Variants in ROCK2 observed in about 807,000 individuals in gnomAD.
ROCK2 encodes the protein Rho associated coiled-coil containing protein kinase 2.
A neutral mutation model predicts 195.1 loss-of-function variants in ROCK2; 61 were observed. The observed-to-expected ratio is 0.31, with a 90% CI of 0.25 to 0.39. ROCK2 has a LOEUF of 0.39. ROCK2 is among the 10% of genes least tolerant of loss of function. The pLI, the probability that ROCK2 is intolerant of heterozygous loss-of-function variation, is 1.00. For missense variants in ROCK2, 1,109 were observed against 1,637.4 expected (o/e 0.68, Z 5.57); for synonymous variants, 504 against 545.5 (o/e 0.92, Z 1.06).
chr2:11,185,716 T>TA (rs1663170316), intron 32 of ROCK2, among the ~76,000 whole-genome samples: 1 of 151,908 alleles, frequency 6.6e-6, no homozygotes, highest in Non-Finnish European at 1.5e-5. Flanking sequence ...GGAACAAGAG[T>TA]GAGACTTCGT....
rs1193041304 is a variant in ROCK2 at position 11,192,936 on chromosome 2, T to A, written c.3688-224A>T. ...TTGGTTTGCATTTCAAAAGAACTGA[T>A]CCTGTTCAAATGCTGCCTCCTTATT... On this transcript the variant is annotated intron_variant, in intron 30 of 32. Coordinates refer to ENST00000315872, the MANE Select transcript of ROCK2 (RefSeq NM_004850.5). This position sits in a 1 kb window ranked among gnomAD's most constrained non-coding sequence, Gnocchi z 5.0. 6.6e-6 allele frequency among the ~76,000 whole-genome samples: 1 copy of A among 152,212 alleles called. No individual in the cohort carries two copies. The highest frequency in any genetic ancestry group is 2.4e-5 in the African/African-American group (1 of 41,462).
At chr2:11,279,758 C>T (rs1666938651) in intron 3 of ROCK2, among the ~76,000 whole-genome samples, 1 of 152,176 alleles carries the variant, frequency 6.6e-6, no homozygotes, top group African/African-American at 2.4e-5. Context: ...ATGGAACGTT[C>T]ACCAAGATAA....
chr2:11,206,846 G>C (rs924289107), intron 20 of ROCK2, among the ~76,000 whole-genome samples: 1 of 152,192 alleles, frequency 6.6e-6, no homozygotes, highest in Non-Finnish European at 1.5e-5. Flanking sequence ...CCTTTCACAA[G>C]TGTGATAAAA....
chr2:11,215,980 A>T (rs1049227027), intron 13 of ROCK2, among the ~76,000 whole-genome samples, 178 bp downstream of exon 13: 1 of 152,202 alleles, frequency 6.6e-6, no homozygotes, highest in African/African-American at 2.4e-5. Flanking sequence ...TTGCAAAAAC[A>T]TAACAGAATG....
At chr2:11,239,917 C>T (rs1480112760) in intron 4 of ROCK2, among the ~76,000 whole-genome samples, 1 of 152,200 alleles carries the variant, frequency 6.6e-6, no homozygotes, top group Non-Finnish European at 1.5e-5. Flanking sequence ...GAACTCAGCA[C>T]AGTGCTATAT....
chr2:11,321,214 C>T (rs1261190796), intron 1 of ROCK2, among the ~76,000 whole-genome samples: 1 of 152,112 alleles, frequency 6.6e-6, no homozygotes, highest in East Asian at 1.9e-4. Context: ...CTCACTCTGT[C>T]ATCCAGGCTG....
Position 11,344,102 on chromosome 2 carries a change from C to G in ROCK2, c.35G>C (p.Gly12Ala). 1 of 1,516,136 alleles carries G rather than the reference C, an allele frequency of 6.6e-7. No individual in the cohort carries two copies. Among genetic ancestry groups the G allele is most frequent in the Non-Finnish European group, 8.8e-7 (1 of 1,139,740 alleles). 93.9% of individuals were successfully genotyped at this position (1,516,136 alleles called of 1,614,324 possible). The change falls in exon 1 of 33, where the codon GGC becomes GCC. Residue 12 changes from glycine to alanine, a missense_variant. By Grantham distance (60) the Gly-to-Ala change is moderately conservative. Coordinates refer to ENST00000315872, the MANE Select transcript of ROCK2 (RefSeq NM_004850.5). The surrounding 1 kb of genome is among the most constrained non-coding windows in gnomAD (Gnocchi z 5.4). ...SRPPPTGKMP[G>A]APETAPGDGA... ...GTCCCCCGGCGCGGTCTCGGGGGCG[C>G]CGGGCATTTTCCCCGTCGGCGGGGG...
At chr2:11,217,319 T>C in intron 11 of ROCK2, 150 bp from the exon 12 acceptor site, 2 of 726,570 alleles carry the variant, frequency 2.8e-6, no homozygotes, top group Non-Finnish European at 2.6e-6. Flanking sequence ...TAATGTGACT[T>C]ATATTGATAA....
At chr2:11,276,115 A>G (rs945926669) in intron 3 of ROCK2, among the ~76,000 whole-genome samples, 2 of 152,266 alleles carry the variant, frequency 1.3e-5, no homozygotes, top group Admixed American at 1.3e-4. Context: ...ATCATACTCA[A>G]TAGTGAAAGT....
chr2:11,214,802 C>A (rs760780095), intron 16 of ROCK2, 38 bp downstream of exon 16: 3 of 1,551,348 alleles, frequency 1.9e-6, no homozygotes, highest in Non-Finnish European at 2.6e-6. Flanking sequence ...AAATAAGAAT[C>A]ATCAAAATTA....
chr2:11,239,630 G>A (rs1390569412), intron 4 of ROCK2, among the ~76,000 whole-genome samples: 1 of 152,150 alleles, frequency 6.6e-6, no homozygotes. Context: ...CAATTCAAAT[G>A]TCCATTAACC....
chr2:11,293,297 G>A (rs1667417264), intron 1 of ROCK2, among the ~76,000 whole-genome samples: 1 of 152,154 alleles, frequency 6.6e-6, no homozygotes, highest in South Asian at 2.1e-4. Flanking sequence ...ACTTTGAGGA[G>A]AAAAACTTAA....
rs1664255311 is a variant in ROCK2 at position 11,211,747 on chromosome 2, C to A, written c.2137G>T (p.Ala713Ser). The A allele has an allele frequency of 2.5e-6, 4 of 1,613,538 alleles. No homozygotes were observed. In the East Asian group the frequency reaches 6.7e-5, roughly 27 times the overall value. ...QEEAEHKATK[A>S]RLADKNKIYE... is the part of the protein sequence containing the mutation. ...ATCTTATTTTTATCTGCTAGTCGTG[C>A]CTTTGTGGCCTTATGTTCAGCTTCT... is the stretch of plus-strand genomic sequence containing the variant. The change falls in exon 18 of 33, where the codon GCA becomes TCA. Residue 713 changes from alanine to serine, a missense_variant. Physicochemically the swap from Ala to Ser is moderately conservative, Grantham distance 99. Coordinates refer to ENST00000315872, the MANE Select transcript of ROCK2 (RefSeq NM_004850.5).
At chr2:11,225,893 A>T (rs1216767427) in intron 6 of ROCK2, among the ~76,000 whole-genome samples, 3 of 152,196 alleles carry the variant, frequency 2.0e-5, no homozygotes, top group Non-Finnish European at 4.4e-5. Context: ...GCATAACAAG[A>T]TCAATGCTAC....
rs757357913 is a variant in ROCK2 at position 11,208,302 on chromosome 2, A to T, written c.2349T>A (p.Asp783Glu). The T allele has an allele frequency of 1.0e-5, 15 of 1,444,630 alleles. No individual in the cohort carries two copies. In the African/African-American group the frequency reaches 2.0e-4, roughly 19 times the overall value. The allele number at this position is 1,444,630 out of a possible 1,614,324, so 89.5% of individuals were successfully genotyped here. ...TAATACTTACATCCTCATTTAGCAC[A>T]TCTTTCTGTTTAAGGAGCTCATTTA... ...QKINELLKQK[D>E]VLNEDVRNLT... The change falls in exon 19 of 33, where the codon GAT (aspartate) becomes GAA (glutamate). Residue 783 changes from aspartate (D) to glutamate (E), a missense_variant. Around this residue, in one of 6 missense-constraint regions of ROCK2, gnomAD observed 542 missense variants for 672.0 expected, o/e 0.81. Coordinates refer to ENST00000315872, the MANE Select transcript of ROCK2 (RefSeq NM_004850.5).
intron 20 of ROCK2, among the ~76,000 whole-genome samples, chr2:11,204,250 A>T (rs1157230735): frequency 3.3e-5 from 5 of 151,954 alleles, no homozygotes. Flanking sequence ...TGCCTTCCCC[A>T]ACCTCTCCCC....
intron 3 of ROCK2, among the ~76,000 whole-genome samples, chr2:11,277,612 C>T (rs181280811): frequency 1.1e-4 from 17 of 152,272 alleles, no homozygotes; most frequent in Non-Finnish European, 1.5e-4. Flanking sequence ...TACTTCACTT[C>T]GAGTAATAGT....
chr2:11,336,621 A>C lies in ROCK2; in HGVS notation c.141+7375T>G, dbSNP rs1395571247. Among the ~76,000 whole-genome samples the C allele has an allele frequency of 2.0e-5, 3 of 152,300 alleles. No individual in the cohort carries two copies. The East Asian group carries it at 5.8e-4, about 29-fold the overall frequency. ...GACTGATGATCCGGTGTAGCTACTA[A>C]GGTGGTAGAAAAGCAAATTTAAAAG... On this transcript the variant is annotated intron_variant, in intron 1 of 32. Coordinates refer to ENST00000315872, the MANE Select transcript of ROCK2 (RefSeq NM_004850.5).
intron 3 of ROCK2, among the ~76,000 whole-genome samples, chr2:11,270,395 G>C (rs900046027): frequency 1.3e-5 from 2 of 152,080 alleles, no homozygotes; most frequent in Non-Finnish European, 2.9e-5. Flanking sequence ...CTGTGGTTTG[G>C]TGTCTGACAT....
Sources: gnomAD v4.1 joint callset for allele counts (sites outside exome capture counted in the v4.1 genomes callset) on GRCh38, gnomAD v4.1.1 for gene constraint, gnomAD v4.1.1 regional missense constraint, Gnocchi (gnomAD v3.1) non-coding constraint, MANE v1.5 for transcripts, NCBI Gene and HGNC (gene_info 2026-07-23, HGNC 2026-07-21) for gene names.